TESMIN: variants seen among roughly 807,000 people sequenced by gnomAD.
TESMIN encodes testis expressed metallothionein like protein, also known as CXC domain containing 2.
TESMIN carries 34 observed loss-of-function variants against 47.4 expected under a neutral mutation model. The observed-to-expected ratio is 0.72, with a 90% CI of 0.55 to 0.96. The LOEUF (loss-of-function observed/expected upper bound fraction) is 0.96. TESMIN is among the 40% of genes least tolerant of loss of function. The pLI is 0.00. For missense variants in TESMIN, 610 were observed against 637.2 expected (o/e 0.96, Z 0.46); for synonymous variants, 278 against 258.9 (o/e 1.07, Z -0.71).
chr11:68,735,284 C>G (rs764157035), intron 6 of TESMIN, among the ~76,000 whole-genome samples: 8 of 152,182 alleles, frequency 5.3e-5, no homozygotes, highest in Non-Finnish European at 1.0e-4. Flanking sequence ...TCGGCCCTCT[C>G]AGACCTGCCC....
intron 5 of TESMIN, among the ~76,000 whole-genome samples, chr11:68,739,584 C>T (rs907548488): frequency 3.3e-5 from 5 of 152,118 alleles, no homozygotes; most frequent in Admixed American, 6.5e-5. Context: ...AAAAAAAATG[C>T]GTCTTGTATT....
intron 6 of TESMIN, chr11:68,737,091 C>A (rs1401628674): frequency 1.0e-6 from 1 of 985,306 alleles, no homozygotes; most frequent in Non-Finnish European, 1.2e-6. Flanking sequence ...ATCTTCAGAA[C>A]TGTAGCCTTT....
chr11:68,724,552 G>A (rs1413724896), intron 6 of TESMIN, among the ~76,000 whole-genome samples: 1 of 152,166 alleles, frequency 6.6e-6, no homozygotes, highest in Non-Finnish European at 1.5e-5. Context: ...ACTAGGCTGT[G>A]GCCAAAGGGC....
At chr11:68,739,241 G>T (rs1242835809) in intron 5 of TESMIN, among the ~76,000 whole-genome samples, 3 of 152,082 alleles carry the variant, frequency 2.0e-5, no homozygotes, top group African/African-American at 4.8e-5. Context: ...AAAATATTTT[G>T]TAACCAGTTT....
rs1345549121 is a variant in TESMIN, at chr11:68,707,845, G to T, written c.*463C>A. ...GTGGTATCACAACAGCCCATCCGGA[G>T]AACTTATTTCTAAATAATTTGAAAA... On this transcript the variant is annotated 3_prime_UTR_variant, in exon 10 of 10. Transcript: ENST00000255087. 1 of 456,390 alleles carries T rather than the reference G, an allele frequency of 2.2e-6. No homozygotes were observed. Among genetic ancestry groups the T allele is most frequent in the South Asian group, 1.5e-5 (1 of 64,558 alleles). 28.3% of individuals were successfully genotyped at this position (456,390 alleles called of 1,614,324 possible).
At chr11:68,737,214 T>C in intron 6 of TESMIN, 1 of 985,374 alleles carries the variant, frequency 1.0e-6, no homozygotes, top group East Asian at 1.1e-4. Flanking sequence ...TCATAGCAAC[T>C]GCACCCTCAC....
intron 7 of TESMIN, 82 bp downstream of exon 7, chr11:68,715,755 G>T: frequency 1.0e-6 from 1 of 995,570 alleles, no homozygotes; most frequent in Non-Finnish European, 1.5e-6. Context: ...TTCCAATGAG[G>T]AATCTCTGAA....
intron 3 of TESMIN, among the ~76,000 whole-genome samples, chr11:68,745,936 T>C (rs1393209598): frequency 1.3e-5 from 2 of 152,224 alleles, no homozygotes; most frequent in Non-Finnish European, 2.9e-5. Context: ...CAGCTTCCAA[T>C]TCTGCTGGCA....
intron 8 of TESMIN, among the ~76,000 whole-genome samples, chr11:68,711,330 G>A (rs1489054875): frequency 6.6e-6 from 1 of 150,806 alleles, no homozygotes; most frequent in African/African-American, 2.4e-5. Context: ...TGTGTGTGTC[G>A]AGTGTGCGTG....
intron 6 of TESMIN, among the ~76,000 whole-genome samples, chr11:68,723,953 A>G (rs1009860636): frequency 2.0e-5 from 3 of 152,248 alleles, no homozygotes; most frequent in Non-Finnish European, 4.4e-5. Context: ...CAAACGTTCA[A>G]TGAACAAATA....
intron 4 of TESMIN, among the ~76,000 whole-genome samples, chr11:68,743,807 C>A (rs1594302181): frequency 6.6e-6 from 1 of 152,296 alleles, no homozygotes; most frequent in East Asian, 1.9e-4. Context: ...CAGACGCAGG[C>A]AGCAGGATGC....
At chr11:68,728,678 T>C (rs1566318753) in intron 6 of TESMIN, among the ~76,000 whole-genome samples, 2 of 152,250 alleles carry the variant, frequency 1.3e-5, no homozygotes, top group Non-Finnish European at 2.9e-5. Flanking sequence ...AAGGACAGGC[T>C]GGCTCTCTTA....
chr11:68,727,733 C>G (rs1946282001), intron 6 of TESMIN, among the ~76,000 whole-genome samples: 1 of 152,200 alleles, frequency 6.6e-6, no homozygotes, highest in Non-Finnish European at 1.5e-5. Context: ...CTCCATTTTT[C>G]CAACAGTATG....
chr11:68,707,097 ACT>A (rs1321621640), downstream of TESMIN, among the ~76,000 whole-genome samples: 1 of 152,084 alleles, frequency 6.6e-6, no homozygotes, highest in African/African-American at 2.4e-5. Flanking sequence ...TCTGCCACAG[ACT>A]CTGGATCCCA....
intron 5 of TESMIN, among the ~76,000 whole-genome samples, chr11:68,740,592 T>C (rs1293666504): frequency 6.6e-6 from 1 of 152,194 alleles, no homozygotes; most frequent in East Asian, 1.9e-4. Context: ...GAGGATTCTA[T>C]GAGGTTCCAA....
At chr11:68,738,287 G>A (rs1052072982) in intron 6 of TESMIN, 1 of 999,966 alleles carries the variant, frequency 1.0e-6, no homozygotes. Context: ...AGCGGGCGGA[G>A]GCAGCTGGAG....
chr11:68,724,591 G>A (rs1024673280), intron 6 of TESMIN, among the ~76,000 whole-genome samples: 2 of 151,998 alleles, frequency 1.3e-5, no homozygotes, highest in African/African-American at 4.8e-5. Context: ...TGACAATGCC[G>A]GTCTTGCCAT....
intron 3 of TESMIN, 129 bp from the exon 4 acceptor site, chr11:68,745,240 T>C (rs1460648714): frequency 1.2e-6 from 1 of 825,486 alleles, no homozygotes; most frequent in Non-Finnish European, 1.8e-6. Flanking sequence ...GATAGAAAAC[T>C]ATAGATCTGT....
chr11:68,751,039 G>A (rs1487648757), intron 1 of TESMIN, among the ~76,000 whole-genome samples: 2 of 109,518 alleles, frequency 1.8e-5, no homozygotes, highest in Non-Finnish European at 4.0e-5. Flanking sequence ...GGTCACGGGA[G>A]GGGCGACCAG....
Sources: gnomAD v4.1 joint callset for allele counts (sites outside exome capture counted in the v4.1 genomes callset) on GRCh38, gnomAD v4.1.1 for gene constraint, MANE v1.5 for transcripts, NCBI Gene and HGNC (gene_info 2026-07-23, HGNC 2026-07-21) for gene names.